Variants in KHDRBS2 observed in about 807,000 individuals in gnomAD.
The protein encoded by KHDRBS2 is KH domain-containing, RNA-binding, signal transduction-associated protein 2.
Under a neutral mutation model 44.3 loss-of-function variants are expected in KHDRBS2, and 26 were observed. The ratio of observed to expected loss-of-function variants is 0.59; its 90% CI spans 0.43 to 0.81. KHDRBS2 has a LOEUF of 0.81. KHDRBS2 is among the 40% of genes least tolerant of loss of function. KHDRBS2 has a pLI of 0.00. For synonymous variants in KHDRBS2, 194 were observed against 151.1 expected, an observed-to-expected ratio of 1.28 and a Z score of -2.08; for missense variants, 476 against 433.1, an observed-to-expected ratio of 1.10 and a Z score of -0.88.
chr6:61,969,177 A>G (rs1279760402), intron 4 of KHDRBS2, among the ~76,000 whole-genome samples: 1 of 152,018 alleles, frequency 6.6e-6, no homozygotes, highest in African/African-American at 2.4e-5. Flanking sequence ...GAATTTTTGG[A>G]TAACAGATTA....
chr6:61,989,544 T>C (rs1465916528), intron 3 of KHDRBS2, among the ~76,000 whole-genome samples: 2 of 152,190 alleles, frequency 1.3e-5, no homozygotes, highest in Non-Finnish European at 2.9e-5. Flanking sequence ...TGTAATGGGT[T>C]GTATCTGCTT....
intron 1 of KHDRBS2, among the ~76,000 whole-genome samples, chr6:62,230,133 C>T (rs1443708698): frequency 1.3e-5 from 2 of 152,168 alleles, no homozygotes; most frequent in Admixed American, 6.5e-5. Context: ...AGTACACACA[C>T]CTGAAAAGCC....
the KHDRBS2 span, among the ~76,000 whole-genome samples, chr6:61,663,896 A>G: frequency 6.6e-6 from 1 of 151,854 alleles, no homozygotes; most frequent in Non-Finnish European, 1.5e-5. Flanking sequence ...TAGGGAGTAA[A>G]GAGCATATAT....
chr6:61,695,473 T>C (rs1767806253), intron 8 of KHDRBS2, among the ~76,000 whole-genome samples: 1 of 152,154 alleles, frequency 6.6e-6, no homozygotes, highest in Non-Finnish European at 1.5e-5. Context: ...TCTATAAGGA[T>C]TACTTCTGCA....
At chr6:61,850,702 T>C (rs774086412) in intron 6 of KHDRBS2, among the ~76,000 whole-genome samples, 17 of 152,300 alleles carry the variant, frequency 1.1e-4, no homozygotes, top group Non-Finnish European at 2.2e-4. Context: ...GATTTCAAAC[T>C]GTCAGCTACC....
At chr6:61,847,995 T>G (rs115938441) in intron 6 of KHDRBS2, among the ~76,000 whole-genome samples, 1,966 of 152,160 alleles carry the variant, frequency 0.013, 46 homozygotes, top group African/African-American at 0.044. Flanking sequence ...TGTTAGATAC[T>G]TTTGCATTTC....
At chr6:61,551,419 CATT>C in the KHDRBS2 span, among the ~76,000 whole-genome samples, 1 of 152,076 alleles carries the variant, frequency 6.6e-6, no homozygotes, top group Non-Finnish European at 1.5e-5. Context: ...CTTTTGGCAT[CATT>C]GTCATGAAAT....
chr6:62,059,090 T>C (rs1314481575), intron 2 of KHDRBS2, among the ~76,000 whole-genome samples: 1 of 150,636 alleles, frequency 6.6e-6, no homozygotes, highest in Non-Finnish European at 1.5e-5. Flanking sequence ...CATAAACAAT[T>C]ATATTGTAGT....
At chr6:61,903,414 T>G (rs1296136877) in intron 4 of KHDRBS2, among the ~76,000 whole-genome samples, 1 of 151,646 alleles carries the variant, frequency 6.6e-6, no homozygotes, top group Non-Finnish European at 1.5e-5. Context: ...TATATAGAAG[T>G]GTACCTTAGA....
intron 3 of KHDRBS2, among the ~76,000 whole-genome samples, chr6:61,985,789 A>G (rs1484901829): frequency 6.6e-6 from 1 of 152,144 alleles, no homozygotes; most frequent in Non-Finnish European, 1.5e-5. Context: ...ACTTCCCTTC[A>G]CGGGCATCCT....
chr6:61,772,839 G>A (rs1020902237), intron 6 of KHDRBS2, among the ~76,000 whole-genome samples: 9 of 151,852 alleles, frequency 5.9e-5, no homozygotes, highest in Non-Finnish European at 1.0e-4. Flanking sequence ...CCCTTCCTGT[G>A]TCCATGTCTT....
chr6:61,916,845 T>C (rs758695007), intron 4 of KHDRBS2, among the ~76,000 whole-genome samples: 1 of 151,714 alleles, frequency 6.6e-6, no homozygotes, highest in South Asian at 2.1e-4. Flanking sequence ...AAATCATATG[T>C]CATTAGGGAA....
intron 1 of KHDRBS2, among the ~76,000 whole-genome samples, chr6:62,216,445 C>T (rs1389589101): frequency 6.6e-6 from 1 of 151,618 alleles, no homozygotes; most frequent in South Asian, 2.1e-4. Context: ...TCTTATGCAA[C>T]ACACAGAAAT....
intron 4 of KHDRBS2, among the ~76,000 whole-genome samples, chr6:61,913,364 T>C (rs1410050904): frequency 5.3e-5 from 8 of 152,012 alleles, no homozygotes; most frequent in Non-Finnish European, 8.8e-5. Context: ...AACAAGCTCA[T>C]ACTGCTCAGC....
In KHDRBS2 at chr6:62,141,846, G is replaced by A. The variant is rs535340333; in HGVS notation, c.219+35339C>T. On this transcript the variant is annotated intron_variant, in intron 2 of 8. Transcript: ENST00000281156. ...ATCTTAAGTTAGAAGTTGATCTGCA[G>A]AGCTTTCAGTCAAATGTATTATATC... Among the ~76,000 whole-genome samples, 15 of 152,206 alleles carry A rather than the reference G, an allele frequency of 9.9e-5. No individual in the cohort carries two copies. The South Asian group carries it at 3.1e-3, about 32-fold the overall frequency.
Position 61,735,994 on chromosome 6 carries a change from G to A in KHDRBS2, c.811-3230C>T, listed in dbSNP as rs377573308. Reference sequence around the variant, plus strand: ...AAATTACAGAATGCAATGCCTTTGTGTGTGTGTTTCTTTTCATTCATTGTG... The same window carrying A: ...AAATTACAGAATGCAATGCCTTTGTATGTGTGTTTCTTTTCATTCATTGTG... On this transcript the variant is annotated intron_variant, in intron 6 of 8. Transcript: ENST00000281156. Among the ~76,000 whole-genome samples, 38 of 151,736 alleles carry A rather than the reference G, an allele frequency of 2.5e-4. No individual in the cohort carries two copies. The South Asian group carries it at 7.3e-3, about 29-fold the overall frequency.
At chr6:61,955,021 C>CACACATATACACATACATGTATGT (rs1562515845) in intron 4 of KHDRBS2, among the ~76,000 whole-genome samples, 166 of 142,890 alleles carry the variant, frequency 1.2e-3, no homozygotes, top group Non-Finnish European at 1.9e-3. Context: ...TGTATACACA[C>CACACATATACACATACATGTATGT]ATACATATAT....
At chr6:61,984,997 T>TA (rs1417023069) in intron 3 of KHDRBS2, among the ~76,000 whole-genome samples, 1 of 152,142 alleles carries the variant, frequency 6.6e-6, no homozygotes, top group Admixed American at 6.5e-5. Context: ...GTGGTGCTCA[T>TA]AAAAAAATCA....
At chr6:61,954,155 A>G (rs1765388633) in intron 4 of KHDRBS2, among the ~76,000 whole-genome samples, 1 of 152,028 alleles carries the variant, frequency 6.6e-6, no homozygotes, top group African/African-American at 2.4e-5. Context: ...GTAGTATGTC[A>G]TTGTTTCCAG....
Sources: allele counts gnomAD v4.1 joint callset (sites outside exome capture counted in the v4.1 genomes callset), GRCh38; gene constraint gnomAD v4.1.1; transcripts MANE v1.5; gene names NCBI Gene and HGNC (gene_info 2026-07-23, HGNC 2026-07-21).